GRIA3: variants seen among roughly 807,000 people sequenced by gnomAD.
GRIA3 encodes glutamate ionotropic receptor AMPA type subunit 3.
Under a neutral mutation model 63.0 loss-of-function variants are expected in GRIA3, and 3 were observed. The observed-to-expected ratio is 0.05, with a 90% CI of 0.02 to 0.12. The LOEUF (loss-of-function observed/expected upper bound fraction) is 0.12. Among genes scored for constraint, GRIA3 ranks in the 10% least tolerant of loss-of-function variants. GRIA3 has a pLI of 1.00. For missense variants in GRIA3, 347 were observed against 700.9 expected (o/e 0.50, Z 5.70); for synonymous variants, 274 against 257.9 (o/e 1.06, Z -0.60).
At chrX:123,371,242 C>G (rs1166917051) in intron 5 of GRIA3, among the ~76,000 whole-genome samples, 1 of 110,357 alleles carries the variant, frequency 9.1e-6, no homozygotes, top group Non-Finnish European at 1.9e-5. Context: ...GAATAGTACT[C>G]CATTGTATAT....
At chrX:123,378,408 GGC>G (rs1448519221) in intron 5 of GRIA3, among the ~76,000 whole-genome samples, 1 of 103,587 alleles carries the variant, frequency 9.7e-6, no homozygotes, top group Non-Finnish European at 2.0e-5. Context: ...ATCAACTTGA[GGC>G]ACTTTTTTTT....
intron 3 of GRIA3, among the ~76,000 whole-genome samples, chrX:123,295,377 G>C (rs2044679267): frequency 9.0e-6 from 1 of 111,546 alleles, no homozygotes; most frequent in Non-Finnish European, 1.9e-5. Context: ...TTCTCCATGA[G>C]ACTAGTTAAT....
chrX:123,480,740 G>A (rs1232965134), intron 14 of GRIA3, among the ~76,000 whole-genome samples: 1 of 111,340 alleles, frequency 9.0e-6, no homozygotes, highest in African/African-American at 3.3e-5. Flanking sequence ...TTTGGATCTC[G>A]AATCTCATTA....
chrX:123,448,747 G>A (rs746104262), intron 12 of GRIA3, among the ~76,000 whole-genome samples: 1 of 112,373 alleles, frequency 8.9e-6, no homozygotes, highest in South Asian at 3.7e-4. Flanking sequence ...AAAGTTCTAT[G>A]AGATGTTGCT....
chrX:123,257,829 T>C (rs1484225009), intron 3 of GRIA3, among the ~76,000 whole-genome samples: 3 of 111,160 alleles, frequency 2.7e-5, no homozygotes, highest in African/African-American at 9.8e-5. Context: ...TTTAAAAGAA[T>C]TGTAGCACAA....
At chrX:123,358,332 A>G (rs917881646) in intron 5 of GRIA3, 3 of 112,288 alleles carry the variant, frequency 2.7e-5, no homozygotes, top group African/African-American at 9.7e-5. Flanking sequence ...GCTTCCTGGA[A>G]TCACTTCCTG....
chrX:123,318,465 T>C lies in GRIA3; in HGVS notation c.509-7561T>C, dbSNP rs1186363934. Among the ~76,000 whole-genome samples, 5 of 112,240 alleles carry C rather than the reference T, an allele frequency of 4.5e-5. No individual in the cohort carries two copies. The South Asian group carries it at 1.9e-3, about 42-fold the overall frequency. On this transcript the variant is annotated intron_variant, in intron 3 of 15. Coordinates refer to ENST00000620443, the MANE Select transcript of GRIA3 (RefSeq NM_007325.5). ...AGCACCCAAGTTTTAAATGCTTTGC[T>C]GCTTAGAAATTTCTTCTGCCAGATA...
At chrX:123,326,369 GAAA>G (rs56808544) in intron 4 of GRIA3, among the ~76,000 whole-genome samples, 156 bp downstream of exon 4, 7 of 70,065 alleles carry the variant, frequency 1.0e-4, no homozygotes, top group East Asian at 1.2e-3. Context: ...AGTGGCTGCA[GAAA>G]AAAAAAAAAA....
At chrX:123,186,279 ACTCT>A (rs1211577681) in intron 2 of GRIA3, among the ~76,000 whole-genome samples, 14 of 108,126 alleles carry the variant, frequency 1.3e-4, no homozygotes, top group African/African-American at 4.4e-4. Flanking sequence ...CTTCTCCAAC[ACTCT>A]CTCTCTTTTT....
intron 2 of GRIA3, among the ~76,000 whole-genome samples, chrX:123,241,662 A>T (rs150014204): frequency 1.8e-5 from 2 of 110,273 alleles, no homozygotes; most frequent in African/African-American, 6.6e-5. Context: ...GTGACATTTG[A>T]CAAACTGGAA....
chrX:123,297,491 A>C (rs775769333), intron 3 of GRIA3, among the ~76,000 whole-genome samples: 5 of 112,165 alleles, frequency 4.5e-5, no homozygotes, highest in African/African-American at 9.7e-5. Context: ...TTTACTAATC[A>C]GTACTTTTGG....
chrX:123,452,357 C>T (rs2045737425), intron 12 of GRIA3, among the ~76,000 whole-genome samples: 1 of 107,404 alleles, frequency 9.3e-6, no homozygotes, highest in Non-Finnish European at 1.9e-5. Flanking sequence ...CTAACACTCC[C>T]CCCCCAAAAA....
intron 2 of GRIA3, among the ~76,000 whole-genome samples, chrX:123,188,975 C>A (rs1927351622): frequency 8.9e-6 from 1 of 112,165 alleles, no homozygotes; most frequent in African/African-American, 3.2e-5. Flanking sequence ...TTTAAAGACT[C>A]TTCTTCATCA....
At chrX:123,210,267 G>A (rs1021813814) in intron 2 of GRIA3, among the ~76,000 whole-genome samples, 5 of 100,440 alleles carry the variant, frequency 5.0e-5, no homozygotes, top group Non-Finnish European at 8.0e-5. Context: ...CCCACATTCT[G>A]TTCCTAACTC....
intron 3 of GRIA3, among the ~76,000 whole-genome samples, chrX:123,284,434 G>T (rs1208697349): frequency 9.0e-6 from 1 of 111,162 alleles, no homozygotes; most frequent in Non-Finnish European, 1.9e-5. Flanking sequence ...TCAGAGGGTT[G>T]GTAATAGCAA....
chrX:123,360,876 C>T (rs1259237824), intron 5 of GRIA3, among the ~76,000 whole-genome samples: 4 of 103,010 alleles, frequency 3.9e-5, no homozygotes, highest in Non-Finnish European at 8.0e-5. Flanking sequence ...CACACACACA[C>T]ACACACACAC....
chrX:123,217,984 G>C (rs892898577), intron 2 of GRIA3, among the ~76,000 whole-genome samples: 1 of 112,719 alleles, frequency 8.9e-6, no homozygotes, highest in African/African-American at 3.2e-5. Context: ...TGATATAATC[G>C]TTTGGGGGAG....
At chrX:123,285,301 A>G in intron 3 of GRIA3, among the ~76,000 whole-genome samples, 1 of 110,824 alleles carries the variant, frequency 9.0e-6, no homozygotes, top group Middle Eastern at 4.6e-3. Flanking sequence ...AAAAACATAT[A>G]AATTGTAAAG....
intron 3 of GRIA3, among the ~76,000 whole-genome samples, chrX:123,271,416 A>C (rs757591899): frequency 8.9e-6 from 1 of 112,056 alleles, no homozygotes; most frequent in Non-Finnish European, 1.9e-5. Flanking sequence ...AAAAATCTAT[A>C]TTTTTAGAGA....
Sources: gnomAD v4.1 joint callset for allele counts (sites outside exome capture counted in the v4.1 genomes callset) on GRCh38, gnomAD v4.1.1 for gene constraint, MANE v1.5 for transcripts, NCBI Gene and HGNC (gene_info 2026-07-23, HGNC 2026-07-21) for gene names.